Variants in RGL1 observed in about 807,000 individuals in gnomAD.
RGL1 encodes the protein ral guanine nucleotide dissociation stimulator like 1, also known as ral guanine nucleotide dissociation stimulator-like 1.
A neutral mutation model predicts 95.2 loss-of-function variants in RGL1; 24 were observed. That is an observed-to-expected ratio of 0.25 (90% CI 0.18 to 0.35). RGL1 has a LOEUF of 0.35. Among genes scored for constraint, RGL1 ranks in the 10% least tolerant of loss-of-function variants. The pLI is 1.00. For synonymous variants in RGL1, 329 were observed against 344.9 expected, an observed-to-expected ratio of 0.95 and a Z score of 0.51; for missense variants, 715 against 936.3, an observed-to-expected ratio of 0.76 and a Z score of 3.08.
chr1:183,873,949 G>A (rs548737191), intron 4 of RGL1, among the ~76,000 whole-genome samples: 1 of 152,250 alleles, frequency 6.6e-6, no homozygotes, highest in South Asian at 2.1e-4. Flanking sequence ...CAGTTCTAGT[G>A]GTGAAAACTA....
At chr1:183,786,047 C>T (rs1660141538) in intron 2 of RGL1, among the ~76,000 whole-genome samples, 1 of 151,940 alleles carries the variant, frequency 6.6e-6, no homozygotes, top group Non-Finnish European at 1.5e-5. Flanking sequence ...TACTCTACTC[C>T]AGCCTGGGCA....
At chr1:183,675,109 T>C (rs1318857642) in intron 1 of RGL1, among the ~76,000 whole-genome samples, 1 of 152,196 alleles carries the variant, frequency 6.6e-6, no homozygotes, top group Admixed American at 6.5e-5. Context: ...GAGCCAATCA[T>C]AGTGCCTGGA....
intron 1 of RGL1, among the ~76,000 whole-genome samples, chr1:183,700,990 G>C (rs1425526429): frequency 6.6e-6 from 1 of 152,142 alleles, no homozygotes; most frequent in Non-Finnish European, 1.5e-5. Flanking sequence ...CCACTTATGA[G>C]TGAGAACATG....
At chr1:183,902,657 A>G in intron 12 of RGL1, 57 bp downstream of exon 12, 1 of 1,538,404 alleles carries the variant, frequency 6.5e-7, no homozygotes, top group Non-Finnish European at 8.9e-7. Context: ...AATGAAAGAA[A>G]TGGGGACTTA....
intron 1 of RGL1, chr1:183,710,351 A>G (rs943935228): frequency 1.3e-5 from 2 of 153,772 alleles, no homozygotes; most frequent in African/African-American, 4.8e-5. Flanking sequence ...CCCTGTATAG[A>G]CTTGGAGGAG....
chr1:183,749,137 C>G (rs564748237), intron 2 of RGL1, among the ~76,000 whole-genome samples: 1 of 151,962 alleles, frequency 6.6e-6, no homozygotes, highest in South Asian at 2.1e-4. Flanking sequence ...CTATTAGGTC[C>G]GCTTGGTCCA....
chr1:183,664,058 T>C (rs184262387), intron 1 of RGL1, among the ~76,000 whole-genome samples: 1,418 of 104,108 alleles, frequency 0.014, 33 homozygotes, highest in African/African-American at 0.051. Context: ...CTCTGAGGAC[T>C]GTTGTGGGGT....
At chr1:183,742,905 A>G (rs1221786573) in intron 2 of RGL1, among the ~76,000 whole-genome samples, 1 of 152,238 alleles carries the variant, frequency 6.6e-6, no homozygotes, top group Non-Finnish European at 1.5e-5. Context: ...GAAGATTGGA[A>G]AAGAGAATGG....
chr1:183,743,292 G>T (rs1188069388), intron 2 of RGL1, among the ~76,000 whole-genome samples: 1 of 152,182 alleles, frequency 6.6e-6, no homozygotes, highest in African/African-American at 2.4e-5. Context: ...GGGATTACAG[G>T]TGTGAGTGAC....
Position 183,880,781 on chromosome 1 carries a change from G to A in RGL1, c.591G>A (p.Lys197=). The change falls in exon 5 of 18, where the codon AAG becomes AAA. Residue 197 remains lysine, a synonymous_variant. Coordinates refer to ENST00000360851, the MANE Select transcript of RGL1 (RefSeq NM_001297671.3). ...AAAATCTTCTTGAGCAGTTTCAGAA[G>A]CAAGAAGTGGAAACTGACAGTGAGT... ...RAQNLLEQFQ[K]QEVETDNGLP... is the part of the protein sequence containing the mutation. 2 of 1,613,858 alleles carry A rather than the reference G, an allele frequency of 1.2e-6. No individual in the cohort carries two copies. Among genetic ancestry groups the A allele is most frequent in the South Asian group, 2.2e-5 (2 of 91,054 alleles).
intron 4 of RGL1, among the ~76,000 whole-genome samples, chr1:183,870,309 C>T (rs974518845): frequency 5.5e-5 from 8 of 146,738 alleles, no homozygotes; most frequent in South Asian, 2.2e-4. Flanking sequence ...AGGTGTCTTC[C>T]GGCCAGGGTA....
intron 14 of RGL1, among the ~76,000 whole-genome samples, chr1:183,908,728 G>A (rs965116293): frequency 1.8e-4 from 27 of 152,166 alleles, no homozygotes; most frequent in African/African-American, 6.0e-4. Flanking sequence ...TCTGCTCACT[G>A]AGGCAGCAGA....
intron 1 of RGL1, among the ~76,000 whole-genome samples, chr1:183,702,407 T>C (rs981883874): frequency 2.6e-5 from 4 of 152,258 alleles, no homozygotes; most frequent in Non-Finnish European, 5.9e-5. Context: ...TATTTTAAAA[T>C]GAAGTTAATA....
intron 1 of RGL1, among the ~76,000 whole-genome samples, chr1:183,675,941 T>A (rs1352863189): frequency 6.6e-6 from 1 of 152,028 alleles, no homozygotes; most frequent in Non-Finnish European, 1.5e-5. Context: ...AGCCCAGGAG[T>A]TTGAGACCAG....
chr1:183,768,172 A>ATGACT (rs1223064363), intron 2 of RGL1, among the ~76,000 whole-genome samples: 1 of 151,980 alleles, frequency 6.6e-6, no homozygotes, highest in Admixed American at 6.6e-5. Context: ...AAAACTACAT[A>ATGACT]TGACTTACAC....
chr1:183,758,270 C>T (rs569159569), intron 2 of RGL1, among the ~76,000 whole-genome samples: 2 of 150,328 alleles, frequency 1.3e-5, no homozygotes, highest in South Asian at 4.2e-4. Flanking sequence ...GATCTTGGTT[C>T]ACTGCAAGCT....
At chr1:183,922,042 T>G (rs563110285) in intron 16 of RGL1, among the ~76,000 whole-genome samples, 180 bp from the exon 17 acceptor site, 1 of 152,284 alleles carries the variant, frequency 6.6e-6, no homozygotes, top group East Asian at 1.9e-4. Context: ...CTGTGGCTGC[T>G]AAGGGTAGAA....
intron 2 of RGL1, among the ~76,000 whole-genome samples, chr1:183,785,279 C>T (rs1297689438): frequency 6.6e-6 from 1 of 152,214 alleles, no homozygotes; most frequent in Non-Finnish European, 1.5e-5. Flanking sequence ...TTTCGGTCCA[C>T]CCGTGAAATT....
chr1:183,715,401 A>T (rs1411761760), intron 1 of RGL1, among the ~76,000 whole-genome samples: 1 of 152,108 alleles, frequency 6.6e-6, no homozygotes, highest in Admixed American at 6.5e-5. Flanking sequence ...ATTGTTATAT[A>T]TGGTGAACTG....
Sources: gnomAD v4.1 joint callset for allele counts (sites outside exome capture counted in the v4.1 genomes callset) on GRCh38, gnomAD v4.1.1 for gene constraint, MANE v1.5 for transcripts, NCBI Gene and HGNC (gene_info 2026-07-23, HGNC 2026-07-21) for gene names.